Variants in CRAMP1 observed in about 807,000 individuals in gnomAD.
CRAMP1 encodes cramped chromatin regulator 1, also known as protein cramped-like.
In CRAMP1, 50 loss-of-function variants were observed where a neutral mutation model predicts 115.4. That is an observed-to-expected ratio of 0.43 (90% CI 0.35 to 0.55). The LOEUF (loss-of-function observed/expected upper bound fraction) is 0.55, where lower values mean the gene tolerates loss of function less well. Ranked by LOEUF, CRAMP1 falls within the 20% of genes least tolerant of loss-of-function variation. The pLI is 0.01. For missense variants in CRAMP1, 1,679 were observed against 1,721.7 expected (o/e 0.98, Z 0.44); for synonymous variants, 866 against 745.4 (o/e 1.16, Z -2.64).
In CRAMP1 at chr16:1,656,089, A is replaced by C; in HGVS notation, c.1332A>C (p.Pro444=). 6.2e-7 allele frequency: 1 copy of C among 1,610,098 alleles called. No homozygotes were observed. The highest frequency in any genetic ancestry group is 8.5e-7 in the Non-Finnish European group (1 of 1,178,900). ...CCAAGGACGCCCACGTGCTGCCCCCAGCCCAGATCCTGGGCATCCAGAGTG... is the reference window on the plus strand; with the variant it reads ...CCAAGGACGCCCACGTGCTGCCCCCCGCCCAGATCCTGGGCATCCAGAGTG... ...QSAKDAHVLP[P]AQILGIQSGQ... is the part of the protein sequence containing the mutation. Residue 444 remains proline, a synonymous_variant, in exon 10 of 21, where the codon CCA becomes CCC. Coordinates refer to ENST00000397412, the MANE Select transcript of CRAMP1 (RefSeq NM_020825.4). The surrounding 1 kb of genome is among the most constrained non-coding windows in gnomAD (Gnocchi z 5.6).
At chr16:1,649,656 A>C (rs1483890596) in intron 6 of CRAMP1, among the ~76,000 whole-genome samples, 1 of 151,274 alleles carries the variant, frequency 6.6e-6, no homozygotes, top group Non-Finnish European at 1.5e-5. Context: ...CGCCTGGCTA[A>C]TTTTTTATAT....
In CRAMP1 at chr16:1,614,004, G is replaced by A. The variant is rs1009622618; in HGVS notation, c.-1-635G>A. Among the ~76,000 whole-genome samples, 1 of 151,760 alleles carries A rather than the reference G, an allele frequency of 6.6e-6. No individual in the cohort carries two copies. The highest frequency in any genetic ancestry group is 1.5e-5 in the Non-Finnish European group (1 of 67,916). On this transcript the variant is annotated intron_variant, in intron 1 of 20. Transcript: ENST00000397412. The surrounding 1 kb of genome is among the most constrained non-coding windows in gnomAD (Gnocchi z 4.4). ...TCCCCGTGCGGGCAGGCGAGCCCGCGCTTCTCCCGTCCCGGGGTGGATCCG... is the reference window on the plus strand; with the variant it reads ...TCCCCGTGCGGGCAGGCGAGCCCGCACTTCTCCCGTCCCGGGGTGGATCCG...
At chr16:1,631,040 TCA>T (rs1204370543) in intron 3 of CRAMP1, among the ~76,000 whole-genome samples, 26 of 152,224 alleles carry the variant, frequency 1.7e-4, no homozygotes, top group Admixed American at 4.6e-4. Context: ...GTGTTTCTCA[TCA>T]TTCTTTGCTC....
intron 2 of CRAMP1, chr16:1,620,526 C>A: frequency 2.3e-6 from 1 of 428,098 alleles, no homozygotes; most frequent in Non-Finnish European, 4.9e-6. Context: ...TATTCCTAAC[C>A]CTCTGAAGGA....
In CRAMP1 at chr16:1,637,883, G is replaced by T; in HGVS notation, c.754G>T (p.Glu252Ter). ...QELYGLICYG[E>*]LRKKIGGCMD... is the part of the protein sequence containing the mutation. The stretch of plus-strand genomic sequence containing the variant: ...ACTGTATGGCCTGATCTGCTATGGC[G>T]AGCTGCGCAAGAAGATTGGGGGCTG... Residue 252 changes from glutamate to a stop codon, truncating the protein, a stop_gained, in exon 5 of 21, where the codon GAG (glutamate) becomes TAG (stop). Coordinates refer to ENST00000397412, the MANE Select transcript of CRAMP1 (RefSeq NM_020825.4). LOFTEE classifies it high-confidence loss of function. 6.4e-7 allele frequency: 1 copy of T among 1,561,126 alleles called. No individual in the cohort carries two copies. The highest frequency in any genetic ancestry group is 8.7e-7 in the Non-Finnish European group (1 of 1,155,010).
At chr16:1,641,916 G>A (rs189030676) in intron 6 of CRAMP1, among the ~76,000 whole-genome samples, 6 of 151,388 alleles carry the variant, frequency 4.0e-5, no homozygotes, top group Middle Eastern at 3.4e-3. Context: ...GGGGGTCCCC[G>A]TTCCACAGCC....
intron 4 of CRAMP1, among the ~76,000 whole-genome samples, chr16:1,634,267 C>T (rs1188943687): frequency 6.6e-6 from 1 of 152,224 alleles, no homozygotes; most frequent in Non-Finnish European, 1.5e-5. Flanking sequence ...CTGGCGTAGA[C>T]TTATCTCCTC....
intron 10 of CRAMP1, among the ~76,000 whole-genome samples, chr16:1,657,626 A>G (rs1293354078): frequency 6.6e-6 from 1 of 152,152 alleles, no homozygotes; most frequent in African/African-American, 2.4e-5. Context: ...GGAGCTGGGG[A>G]CCAGACAGGA....
chr16:1,658,517 G>A (rs1267187104), intron 10 of CRAMP1, among the ~76,000 whole-genome samples: 2 of 152,190 alleles, frequency 1.3e-5, no homozygotes, highest in Non-Finnish European at 2.9e-5. Context: ...CATCCCCTGG[G>A]AGCTAGTTAG....
At chr16:1,659,777 A>G in intron 10 of CRAMP1, 109 bp from the exon 11 acceptor site, 1 of 1,078,968 alleles carries the variant, frequency 9.3e-7, no homozygotes, top group South Asian at 1.3e-5. Context: ...CCGTCATGAC[A>G]CTGTGCTTTC....
At chr16:1,641,660 A>G (rs2036633279) in intron 6 of CRAMP1, among the ~76,000 whole-genome samples, 1 of 152,120 alleles carries the variant, frequency 6.6e-6, no homozygotes, top group African/African-American at 2.4e-5. Flanking sequence ...CCTGACTCCC[A>G]GAGGGCACAT....
chr16:1,670,699 T>C lies in CRAMP1; in HGVS notation c.3535T>C (p.Leu1179=), dbSNP rs2142210145. 2 of 1,613,980 alleles carry C rather than the reference T, an allele frequency of 1.2e-6. No homozygotes were observed. Among genetic ancestry groups the C allele is most frequent in the African/African-American group, 1.3e-5 (1 of 75,026 alleles). The change falls in exon 20 of 21, where the codon TTG becomes CTG. Residue 1179 remains leucine, a synonymous_variant. Coordinates refer to ENST00000397412, the MANE Select transcript of CRAMP1 (RefSeq NM_020825.4). ...CTCCCCAGAGAAGAGCCGGAAGATG[T>C]TGCCGACTCCCATTGGGACCAACAG... ...FISPEKSRKM[L]PTPIGTNSGT... is the part of the protein sequence containing the mutation.
chr16:1,669,792 G>A lies in CRAMP1; in HGVS notation c.3499+627G>A, dbSNP rs898164318. Among the ~76,000 whole-genome samples, 1 of 152,222 alleles carries A rather than the reference G, an allele frequency of 6.6e-6. No individual in the cohort carries two copies. The highest frequency in any genetic ancestry group is 2.4e-5 in the African/African-American group (1 of 41,460). ...GTCTGGGGTCTTCCCGCCCACAGTT[G>A]TACGGGGCCAGGGCTTGTGGCTGGG... On this transcript the variant is annotated intron_variant, in intron 19 of 20. Coordinates refer to ENST00000397412, the MANE Select transcript of CRAMP1 (RefSeq NM_020825.4). The surrounding 1 kb of genome is among the most constrained non-coding windows in gnomAD (Gnocchi z 4.6).
intron 9 of CRAMP1, among the ~76,000 whole-genome samples, chr16:1,655,667 G>T (rs556223365): frequency 6.6e-6 from 1 of 152,236 alleles, no homozygotes; most frequent in African/African-American, 2.4e-5. Flanking sequence ...CCACATAGGC[G>T]TGGTGCGTGT....
At chr16:1,624,216 G>A (rs1229973946) in intron 2 of CRAMP1, among the ~76,000 whole-genome samples, 1 of 151,194 alleles carries the variant, frequency 6.6e-6, no homozygotes, top group African/African-American at 2.4e-5. Flanking sequence ...GCAATGGCAC[G>A]ATCTCTGCTC....
chr16:1,642,562 C>A (rs898780675), intron 6 of CRAMP1, among the ~76,000 whole-genome samples: 2 of 152,204 alleles, frequency 1.3e-5, no homozygotes, highest in African/African-American at 4.8e-5. Context: ...GCTTCAGAGC[C>A]CTGCTTCCTT....
chr16:1,613,983 CG>C (rs1400508381), intron 1 of CRAMP1, among the ~76,000 whole-genome samples: 2 of 151,822 alleles, frequency 1.3e-5, no homozygotes, highest in Admixed American at 6.6e-5. Context: ...TGGAGTTCCC[CG>C]TGCGGGCAGG....
chr16:1,659,614 C>G (rs1188431650), intron 10 of CRAMP1, among the ~76,000 whole-genome samples: 1 of 152,164 alleles, frequency 6.6e-6, no homozygotes, highest in Non-Finnish European at 1.5e-5. Context: ...GTCTCGATCT[C>G]CTGACCTCAT....
Position 1,667,782 on chromosome 16 carries a change from G to C in CRAMP1, c.3103-180G>C, listed in dbSNP as rs545661244. 3.9e-5 allele frequency among the ~76,000 whole-genome samples: 6 copies of C among 152,316 alleles called. No homozygotes were observed. In the South Asian group the frequency reaches 1.2e-3, roughly 32 times the overall value. On this transcript the variant is annotated intron_variant, in intron 17 of 20. Coordinates refer to ENST00000397412, the MANE Select transcript of CRAMP1 (RefSeq NM_020825.4). ...CCTGACTTTCTGACTCTGCCATAGT[G>C]AGTGTTTTTGGGAGAAATAAATTCC...
Sources: gnomAD v4.1 joint callset for allele counts (sites outside exome capture counted in the v4.1 genomes callset) on GRCh38, gnomAD v4.1.1 for gene constraint, Gnocchi (gnomAD v3.1) non-coding constraint, MANE v1.5 for transcripts, NCBI Gene and HGNC (gene_info 2026-07-23, HGNC 2026-07-21) for gene names.